The following BCAS1 variants were observed in gnomAD, a reference collection of about 807,000 sequenced individuals.
BCAS1 encodes the protein brain enriched myelin associated protein 1, also known as breast carcinoma-amplified sequence 1.
In BCAS1, 46 loss-of-function variants were observed where a neutral mutation model predicts 65.4. The ratio of observed to expected loss-of-function variants is 0.70; its 90% CI spans 0.55 to 0.90. The LOEUF is 0.90. Ranked by LOEUF, BCAS1 falls within the 40% of genes least tolerant of loss-of-function variation. BCAS1 has a pLI of 0.00. For synonymous variants in BCAS1, 298 were observed against 293.5 expected, an observed-to-expected ratio of 1.02 and a Z score of -0.16; for missense variants, 793 against 771.2, an observed-to-expected ratio of 1.03 and a Z score of -0.33.
chr20:54,007,471 A>T (rs2091224702), intron 4 of BCAS1, among the ~76,000 whole-genome samples: 2 of 152,206 alleles, frequency 1.3e-5, no homozygotes, highest in Admixed American at 1.3e-4. Context: ...CACAGTTCAA[A>T]AGAACTCCAG....
chr20:54,030,867 A>C (rs932202401), intron 3 of BCAS1, among the ~76,000 whole-genome samples: 2 of 151,360 alleles, frequency 1.3e-5, no homozygotes, highest in African/African-American at 4.8e-5. Flanking sequence ...AGGAATTCAT[A>C]ATGATAGAAA....
intron 10 of BCAS1, among the ~76,000 whole-genome samples, chr20:53,960,292 G>T (rs148922438): frequency 6.6e-6 from 1 of 152,144 alleles, no homozygotes; most frequent in African/African-American, 2.4e-5. Context: ...TAGGGACTCT[G>T]TCAATTTAAG....
intron 3 of BCAS1, among the ~76,000 whole-genome samples, chr20:54,047,216 C>G (rs143706): frequency 0.59 from 89,767 of 151,982 alleles, 26,672 homozygotes; most frequent in South Asian, 0.63. Context: ...TTGTGTCTAG[C>G]CTTTCTCAGA....
At chr20:53,980,018 GCTAA>G (rs2090437498) in intron 8 of BCAS1, among the ~76,000 whole-genome samples, 1 of 152,102 alleles carries the variant, frequency 6.6e-6, no homozygotes, top group Admixed American at 6.5e-5. Context: ...TTTTAACACT[GCTAA>G]CTAATAGGTT....
intron 11 of BCAS1, among the ~76,000 whole-genome samples, chr20:53,955,856 A>G (rs2089682121): frequency 6.6e-6 from 1 of 152,220 alleles, no homozygotes. Flanking sequence ...GATTATTGGC[A>G]TAATTCCTTC....
At chr20:54,047,756 A>G (rs888308690) in intron 3 of BCAS1, among the ~76,000 whole-genome samples, 6 of 152,220 alleles carry the variant, frequency 3.9e-5, no homozygotes, top group African/African-American at 1.4e-4. Flanking sequence ...GAAAGCACAG[A>G]TTTATAGAAA....
intron 3 of BCAS1, among the ~76,000 whole-genome samples, chr20:54,034,806 G>T (rs1481203705): frequency 6.6e-6 from 1 of 151,166 alleles, no homozygotes; most frequent in Admixed American, 6.6e-5. Context: ...ATAGAACCCA[G>T]AAAAGAGCCT....
chr20:54,053,235 T>C (rs1477389634), intron 3 of BCAS1, among the ~76,000 whole-genome samples: 1 of 152,250 alleles, frequency 6.6e-6, no homozygotes, highest in African/African-American at 2.4e-5. Context: ...AATATATTGT[T>C]ACTTAAGATG....
intron 3 of BCAS1, among the ~76,000 whole-genome samples, chr20:54,045,433 A>C (rs546788772): frequency 7.0e-4 from 107 of 152,320 alleles, no homozygotes; most frequent in African/African-American, 2.5e-3. Context: ...TTAAAAAAAA[A>C]CAAACACTAT....
Position 53,981,113 on chromosome 20 carries a change from C to T in BCAS1, c.1275+4174G>A, listed in dbSNP as rs940794768. ...CAATTCTTAAGGTTTCTTTAAAAGA[C>T]TTTCATATGGTAACACTTAAGCCAG... On this transcript the variant is annotated intron_variant, in intron 8 of 12. Coordinates refer to ENST00000688948, the MANE Select transcript of BCAS1 (RefSeq NM_001366298.2). Among the ~76,000 whole-genome samples the T allele has an allele frequency of 3.3e-5, 5 of 152,300 alleles. No homozygotes were observed. In the South Asian group the frequency reaches 1.0e-3, roughly 32 times the overall value.
chr20:54,018,147 T>G (rs748549608), intron 4 of BCAS1, among the ~76,000 whole-genome samples: 8 of 152,238 alleles, frequency 5.3e-5, no homozygotes, highest in Admixed American at 5.2e-4. Flanking sequence ...CTGTTTCTGT[T>G]CCTCACCCAG....
chr20:54,048,426 G>A (rs921640643), intron 3 of BCAS1, among the ~76,000 whole-genome samples: 1 of 152,130 alleles, frequency 6.6e-6, no homozygotes, highest in Non-Finnish European at 1.5e-5. Context: ...GCCATGTGAT[G>A]TAGCTCTGGC....
chr20:54,062,130 C>T (rs1280820944), intron 1 of BCAS1, among the ~76,000 whole-genome samples: 1 of 152,134 alleles, frequency 6.6e-6, no homozygotes, highest in Non-Finnish European at 1.5e-5. Context: ...GTAGTTGCAA[C>T]AGACACCTAT....
chr20:53,943,676 A>G lies in BCAS1; in HGVS notation c.*1246T>C, dbSNP rs1329153748. On this transcript the variant is annotated 3_prime_UTR_variant, in exon 13 of 13. Transcript: ENST00000688948. ...TATTTACTCCTTTGTACAGGTATTA[A>G]AAACAACTCAGGTATTTGAGAAGTC... is the stretch of plus-strand genomic sequence containing the variant. The G allele has an allele frequency of 7.9e-5, 12 of 152,316 alleles. No individual in the cohort carries two copies. The East Asian group carries it at 1.9e-3, about 24-fold the overall frequency. 9.4% of individuals were successfully genotyped at this position (152,316 alleles called of 1,614,324 possible). A position where few individuals can be genotyped will look rare whatever the true frequency, so the allele number is the denominator to read the frequency against.
intron 7 of BCAS1, among the ~76,000 whole-genome samples, chr20:53,992,198 A>G (rs2090778174): frequency 6.6e-6 from 1 of 152,250 alleles, no homozygotes; most frequent in African/African-American, 2.4e-5. Context: ...CAATGTAAAA[A>G]TATCAAATAA....
At chr20:53,993,438 G>T (rs1436359659) in intron 6 of BCAS1, among the ~76,000 whole-genome samples, 1 of 152,204 alleles carries the variant, frequency 6.6e-6, no homozygotes, top group Non-Finnish European at 1.5e-5. Flanking sequence ...GTTTGTGGGT[G>T]TCATGGACAA....
chr20:53,953,821 G>T, intron 11 of BCAS1, 126 bp from the exon 12 acceptor site: 1 of 1,139,926 alleles, frequency 8.8e-7, no homozygotes, highest in Non-Finnish European at 1.2e-6. Flanking sequence ...ATGAATCCTA[G>T]GTGAAATGAA....
chr20:54,017,220 A>G (rs2091457242), intron 4 of BCAS1, among the ~76,000 whole-genome samples: 1 of 152,072 alleles, frequency 6.6e-6, no homozygotes, highest in African/African-American at 2.4e-5. Context: ...TTGAGGGGTA[A>G]GTGAATTTGT....
intron 10 of BCAS1, among the ~76,000 whole-genome samples, chr20:53,965,275 G>GGTTTT (rs200721069): frequency 2.8e-3 from 429 of 152,218 alleles, no homozygotes; most frequent in African/African-American, 8.8e-3. Context: ...CATTGGCAAG[G>GGTTTT]GTTTTGTTTT....
Sources: allele counts gnomAD v4.1 joint callset (sites outside exome capture counted in the v4.1 genomes callset), GRCh38; gene constraint gnomAD v4.1.1; transcripts MANE v1.5; gene names NCBI Gene and HGNC (gene_info 2026-07-23, HGNC 2026-07-21).